MCC: variants seen among roughly 807,000 people sequenced by gnomAD.
MCC encodes the protein MCC regulator of Wnt signaling pathway.
Under a neutral mutation model 116.2 loss-of-function variants are expected in MCC, and 90 were observed. The ratio of observed to expected loss-of-function variants is 0.77; its 90% CI spans 0.65 to 0.92. The LOEUF is 0.92. Among genes scored for constraint, MCC ranks in the 40% least tolerant of loss-of-function variants. The pLI is 0.00. For synonymous variants in MCC, 578 were observed against 510.5 expected, an observed-to-expected ratio of 1.13 and a Z score of -1.78; for missense variants, 1,516 against 1,312.2, an observed-to-expected ratio of 1.16 and a Z score of -2.40.
At chr5:113,202,445 C>G (rs888322740) in intron 3 of MCC, among the ~76,000 whole-genome samples, 2 of 152,176 alleles carry the variant, frequency 1.3e-5, no homozygotes, top group African/African-American at 4.8e-5. Flanking sequence ...AAGATTTTCT[C>G]CAGTTACCGC....
intron 2 of MCC, among the ~76,000 whole-genome samples, chr5:113,379,850 A>G (rs1769073355): frequency 6.6e-6 from 1 of 152,186 alleles, no homozygotes; most frequent in African/African-American, 2.4e-5. Context: ...TTAAGTGTGG[A>G]AAATGCTTAT....
rs575822149 is a variant in MCC at position 113,341,531 on chromosome 5, A to G, written c.416-801T>C. Among the ~76,000 whole-genome samples, 14 of 152,294 alleles carry G rather than the reference A, an allele frequency of 9.2e-5. No individual in the cohort carries two copies. The East Asian group carries it at 2.3e-3, about 25-fold the overall frequency. On this transcript the variant is annotated intron_variant, in intron 2 of 18. Coordinates refer to ENST00000408903, the MANE Select transcript of MCC (RefSeq NM_001085377.2). ...GATGTACTCTTACCTGAAGGAAGCT[A>G]GACTGTATTTTCCAGTTAGGGATAG...
chr5:113,472,185 G>T (rs148420533), intron 1 of MCC, among the ~76,000 whole-genome samples: 120 of 152,244 alleles, frequency 7.9e-4, no homozygotes, highest in African/African-American at 2.6e-3. Flanking sequence ...CCTACTGTCT[G>T]GCACTCCCCA....
chr5:113,216,860 C>T (rs1408813270), intron 3 of MCC, among the ~76,000 whole-genome samples: 1 of 152,218 alleles, frequency 6.6e-6, no homozygotes, highest in Non-Finnish European at 1.5e-5. Context: ...TCTCAGTTGC[C>T]TCCTCTGCAA....
chr5:113,249,039 T>G (rs569066755), intron 3 of MCC, among the ~76,000 whole-genome samples: 6 of 152,246 alleles, frequency 3.9e-5, no homozygotes, highest in African/African-American at 1.2e-4. Flanking sequence ...AGATGGGGTT[T>G]CACCATGTTG....
intron 16 of MCC, among the ~76,000 whole-genome samples, chr5:113,045,228 T>C (rs1189039869): frequency 6.6e-6 from 1 of 152,196 alleles, no homozygotes; most frequent in Non-Finnish European, 1.5e-5. Flanking sequence ...CAGTATCTGG[T>C]GCACACAGAC....
intron 3 of MCC, among the ~76,000 whole-genome samples, chr5:113,320,907 G>A (rs1352142165): frequency 6.6e-6 from 1 of 152,206 alleles, no homozygotes; most frequent in Non-Finnish European, 1.5e-5. Flanking sequence ...GAGTACCAAT[G>A]TAACACTCAT....
chr5:113,190,364 G>C lies in MCC; in HGVS notation c.628-38942C>G, dbSNP rs79169382. On this transcript the variant is annotated intron_variant, in intron 3 of 18. Transcript: ENST00000408903. ...GGTGGCAGGCAATCGCGCTTCCCTA[G>C]ATCCAGGCTCTCTGGCCTACATAGC... 3.0e-3 allele frequency among the ~76,000 whole-genome samples: 461 copies of C among 152,306 alleles called. 5 individuals are homozygous for C. The highest frequency in any genetic ancestry group is 0.011 in the African/African-American group (448 of 41,550).
intron 3 of MCC, among the ~76,000 whole-genome samples, chr5:113,198,700 C>A (rs1169073810): frequency 7.3e-6 from 1 of 136,704 alleles, no homozygotes; most frequent in East Asian, 2.0e-4. Context: ...AGCAACACCC[C>A]CACCTCAAAA....
At chr5:113,303,937 G>A (rs1251347491) in intron 3 of MCC, among the ~76,000 whole-genome samples, 2 of 152,152 alleles carry the variant, frequency 1.3e-5, no homozygotes, top group Non-Finnish European at 2.9e-5. Flanking sequence ...TTTCAGGCTT[G>A]AGCCACCACG....
chr5:113,089,324 T>C (rs544779227), intron 8 of MCC, among the ~76,000 whole-genome samples: 2 of 152,274 alleles, frequency 1.3e-5, no homozygotes, highest in East Asian at 1.9e-4. Flanking sequence ...GAGGAAAAGA[T>C]AATGGGGAGA....
chr5:113,193,422 G>C (rs1762240841), intron 3 of MCC, among the ~76,000 whole-genome samples: 2 of 152,102 alleles, frequency 1.3e-5, no homozygotes, highest in Admixed American at 1.3e-4. Context: ...TTTGAGAATG[G>C]TAACATGGGG....
intron 1 of MCC, among the ~76,000 whole-genome samples, chr5:113,463,027 C>T (rs1395062503): frequency 1.3e-5 from 2 of 152,172 alleles, no homozygotes; most frequent in East Asian, 3.9e-4. Flanking sequence ...GATGAGAGGG[C>T]CAGGGAAGGC....
chr5:113,054,998 G>T (rs1326946709), intron 14 of MCC, among the ~76,000 whole-genome samples: 1 of 152,200 alleles, frequency 6.6e-6, no homozygotes, highest in African/African-American at 2.4e-5. Context: ...CTCTGCACTT[G>T]CACTGGGCCT....
chr5:113,158,225 G>C (rs1437967352), intron 3 of MCC, among the ~76,000 whole-genome samples: 4 of 152,344 alleles, frequency 2.6e-5, no homozygotes, highest in African/African-American at 9.6e-5. Flanking sequence ...GTACTATTCT[G>C]TCTTTCTAGC....
At chr5:113,187,587 C>T (rs546148337) in intron 3 of MCC, among the ~76,000 whole-genome samples, 1 of 151,980 alleles carries the variant, frequency 6.6e-6, no homozygotes, top group Non-Finnish European at 1.5e-5. Context: ...AACCCCGTCT[C>T]TACTAAAAAT....
At chr5:113,402,881 A>G (rs1054865925) in intron 1 of MCC, among the ~76,000 whole-genome samples, 2 of 152,110 alleles carry the variant, frequency 1.3e-5, no homozygotes, top group African/African-American at 4.8e-5. Context: ...TGCAGCCTTG[A>G]ACTCCAGGGT....
intron 12 of MCC, among the ~76,000 whole-genome samples, chr5:113,070,525 CT>C (rs2150233782): frequency 6.6e-6 from 1 of 152,284 alleles, no homozygotes; most frequent in South Asian, 2.1e-4. Context: ...TATTCATATC[CT>C]TTGACCTACA....
intron 4 of MCC, 135 bp from the exon 5 acceptor site, chr5:113,143,495 T>C: frequency 1.1e-6 from 1 of 900,132 alleles, no homozygotes; most frequent in Non-Finnish European, 1.7e-6. Context: ...TGTCAGCTCA[T>C]CGGCTGGCAA....
Sources: gnomAD v4.1 joint callset for allele counts (sites outside exome capture counted in the v4.1 genomes callset) on GRCh38, gnomAD v4.1.1 for gene constraint, MANE v1.5 for transcripts, NCBI Gene and HGNC (gene_info 2026-07-23, HGNC 2026-07-21) for gene names.